The following ENTPD7 variants were observed in gnomAD, a reference collection of about 807,000 sequenced individuals.
ENTPD7 encodes the protein ectonucleoside triphosphate diphosphohydrolase 7.
ENTPD7 carries 53 observed loss-of-function variants against 77.9 expected under a neutral mutation model. That is an observed-to-expected ratio of 0.68 (90% CI 0.55 to 0.85). The LOEUF is 0.85. Ranked by LOEUF, ENTPD7 falls within the 40% of genes least tolerant of loss-of-function variation. The pLI is 0.00. For synonymous variants in ENTPD7, 248 were observed against 274.9 expected (o/e 0.90, Z 0.97); for missense variants, 636 against 743.7 (o/e 0.86, Z 1.68).
intron 8 of ENTPD7, among the ~76,000 whole-genome samples, chr10:99,694,576 A>G (rs1205539838): frequency 7.3e-6 from 1 of 136,684 alleles, no homozygotes; most frequent in Non-Finnish European, 1.5e-5. Flanking sequence ...CACTCTTGTC[A>G]CTCAGGCTGG....
intron 12 of ENTPD7, 129 bp from the exon 13 acceptor site, chr10:99,704,323 G>A: frequency 1.1e-6 from 1 of 885,814 alleles, no homozygotes; most frequent in Non-Finnish European, 1.8e-6. Flanking sequence ...GCTCTGTGGA[G>A]CTGGTGTCAT....
intron 3 of ENTPD7, among the ~76,000 whole-genome samples, chr10:99,672,367 G>A (rs908078343): frequency 6.0e-5 from 9 of 150,326 alleles, no homozygotes; most frequent in East Asian, 2.0e-4. Flanking sequence ...GTGCAGTGGC[G>A]TGATCATAGC....
In ENTPD7 at chr10:99,659,988, G is replaced by A. The variant is rs1464271584; in HGVS notation, c.8+24G>A. The A allele has an allele frequency of 6.2e-7, 1 of 1,613,658 alleles. No individual in the cohort carries two copies. The highest frequency in any genetic ancestry group is 8.5e-7 in the Non-Finnish European group (1 of 1,179,936). ...AGGTAAGGCTGCACACTTTCCCTCC[G>A]GCTGGGAGCACGGCAGAGGATGGCA... On this transcript the variant is annotated intron_variant, in intron 2 of 12. Coordinates refer to ENST00000370489, the MANE Select transcript of ENTPD7 (RefSeq NM_020354.5). The surrounding 1 kb of genome is among the most constrained non-coding windows in gnomAD (Gnocchi z 4.1).
chr10:99,675,606 T>TC (rs955663464), intron 3 of ENTPD7, among the ~76,000 whole-genome samples: 14 of 150,322 alleles, frequency 9.3e-5, no homozygotes, highest in Non-Finnish European at 1.9e-4. Flanking sequence ...AATTTTTTTT[T>TC]TTTTTTTTGA....
Position 99,682,202 on chromosome 10 carries a change from T to TC in ENTPD7, c.548+2327_548+2328insC, listed in dbSNP as rs1287198282. Among the ~76,000 whole-genome samples the TC allele has an allele frequency of 2.6e-5, 4 of 151,736 alleles. No homozygotes were observed. In the East Asian group the frequency reaches 7.7e-4, roughly 29 times the overall value. On this transcript the variant is annotated intron_variant, in intron 5 of 12. Coordinates refer to ENST00000370489, the MANE Select transcript of ENTPD7 (RefSeq NM_020354.5). ...TATTTTCCTTTGGTCAACAGCAGTTTTTTTTTTTTTTTACAACGTTTAAAT... is the reference window on the plus strand; with the variant it reads ...TATTTTCCTTTGGTCAACAGCAGTTTCTTTTTTTTTTTTACAACGTTTAAAT...
chr10:99,672,038 A>G (rs533706080), intron 3 of ENTPD7, among the ~76,000 whole-genome samples: 5 of 152,312 alleles, frequency 3.3e-5, no homozygotes, highest in Admixed American at 3.3e-4. Context: ...GGTGAAATTG[A>G]AAGCATTTAT....
At position 99,710,423 on chromosome 10, in the gene ENTPD7, G is replaced by A; in HGVS notation, c.*5740G>A. 1 of 979,148 alleles carries A rather than the reference G, an allele frequency of 1.0e-6. No homozygotes were observed. Among genetic ancestry groups the A allele is most frequent in the Non-Finnish European group, 1.2e-6 (1 of 827,490 alleles). 60.7% of individuals were successfully genotyped at this position (979,148 alleles called of 1,614,324 possible). ...TGATCAATGGCCTCTGCGGAGTGTA[G>A]TGAAAGACATCTTTTTATTATGATC... On this transcript the variant is annotated 3_prime_UTR_variant, in exon 13 of 13. Transcript: ENST00000370489.
At position 99,694,534 on chromosome 10, in the gene ENTPD7, T is replaced by A. The variant is rs568243568; in HGVS notation, c.844-1422T>A. Among the ~76,000 whole-genome samples the A allele has an allele frequency of 1.6e-4, 10 of 63,460 alleles. No individual in the cohort carries two copies. The East Asian group carries it at 3.4e-3, about 22-fold the overall frequency. 41.6% of individuals were successfully genotyped at this position (63,460 alleles called of 152,430 possible). On this transcript the variant is annotated intron_variant, in intron 8 of 12. Transcript: ENST00000370489. ...CACATTTTTCTATGTACATAAGTTTTTTTGTTTTTTTTTTTTTTTGAGATG... is the reference window on the plus strand; with the variant it reads ...CACATTTTTCTATGTACATAAGTTTATTTGTTTTTTTTTTTTTTTGAGATG...
chr10:99,704,515 CA>C lies in ENTPD7; in HGVS notation c.1649del (p.Asn550ThrfsTer48). The C allele has an allele frequency of 6.2e-7, 1 of 1,614,208 alleles. No homozygotes were observed. Among genetic ancestry groups the C allele is most frequent in the Non-Finnish European group, 8.5e-7 (1 of 1,180,038 alleles). On this transcript the variant is annotated frameshift_variant, in exon 13 of 13. Transcript: ENST00000370489. LOFTEE classifies it high-confidence loss of function. ...GSWFRLSFVYNHYLFFACILV... is the reference protein window; with the variant it reads ...GSWFRLSFVYXHYLFFACILV... ...GCTGGTTCCGTCTCTCCTTTGTATACAACCACTATCTCTTCTTTGCCTGTAT... is the reference window on the plus strand; with the variant it reads ...GCTGGTTCCGTCTCTCCTTTGTATACACCACTATCTCTTCTTTGCCTGTAT...
chr10:99,698,826 T>C lies in ENTPD7; in HGVS notation c.1303T>C (p.Tyr435His), dbSNP rs770792937. The change falls in exon 10 of 13, where the codon TAC (tyrosine) becomes CAC (histidine). Residue 435 changes from tyrosine to histidine, a missense_variant. This residue lies in a region of ENTPD7 where 486 missense variants were observed against 556.5 expected (regional missense o/e 0.87). Coordinates refer to ENST00000370489, the MANE Select transcript of ENTPD7 (RefSeq NM_020354.5). ...GGATGTGTTGCGCATTGGTGGCCGC[T>C]ACCATGGGCCAACATTTGCCAAGGC... ...TEDVLRIGGR[Y>H]HGPTFAKAAQ... 1 of 1,607,862 alleles carries C rather than the reference T, an allele frequency of 6.2e-7. No homozygotes were observed. The highest frequency in any genetic ancestry group is 8.5e-7 in the Non-Finnish European group (1 of 1,175,878).
Position 99,691,367 on chromosome 10 carries a change from T to C in ENTPD7, c.710-18T>C. The C allele has an allele frequency of 6.2e-7, 1 of 1,604,728 alleles. No individual in the cohort carries two copies. The highest frequency in any genetic ancestry group is 8.5e-7 in the Non-Finnish European group (1 of 1,177,370). On this transcript the variant is annotated intron_variant, in intron 7 of 12. Coordinates refer to ENST00000370489, the MANE Select transcript of ENTPD7 (RefSeq NM_020354.5). ...TTTTTTAATTACTAGGGCCTTTTTG[T>C]TCTCTTATTTATTTCAGAATCAGAT... is the stretch of plus-strand genomic sequence containing the variant.
chr10:99,681,244 T>C (rs1036506848), intron 5 of ENTPD7, among the ~76,000 whole-genome samples: 1 of 151,808 alleles, frequency 6.6e-6, no homozygotes, highest in African/African-American at 2.4e-5. Flanking sequence ...AGAAGTAGGA[T>C]TGCTGGATCA....
intron 5 of ENTPD7, among the ~76,000 whole-genome samples, chr10:99,685,162 C>T (rs529746866): frequency 3.9e-5 from 6 of 152,274 alleles, no homozygotes; most frequent in African/African-American, 1.4e-4. Context: ...GAGGCTGAGG[C>T]AGGAGAATCA....
At chr10:99,676,740 G>A (rs2035686243) in intron 3 of ENTPD7, among the ~76,000 whole-genome samples, 2 of 152,102 alleles carry the variant, frequency 1.3e-5, no homozygotes. Context: ...CCAGTGATTT[G>A]ATTTATGGGA....
At chr10:99,690,435 AATTT>A (rs2035865650) in intron 7 of ENTPD7, among the ~76,000 whole-genome samples, 1 of 152,052 alleles carries the variant, frequency 6.6e-6, no homozygotes, top group African/African-American at 2.4e-5. Flanking sequence ...GGGTGCTATT[AATTT>A]ATTTGATTTT....
chr10:99,679,505 A>G lies in ENTPD7; in HGVS notation c.397+39A>G, dbSNP rs761671973. 3.9e-6 allele frequency: 6 copies of G among 1,555,724 alleles called. No individual in the cohort carries two copies. The South Asian group carries it at 6.1e-5, about 16-fold the overall frequency. On this transcript the variant is annotated intron_variant, in intron 4 of 12. Transcript: ENST00000370489. Reference sequence around the variant, plus strand: ...TATATTTTGTTGTCAGTCTCTTTTAAGGCATGAAAGAGGAGACAAAAGAAG... The same window carrying G: ...TATATTTTGTTGTCAGTCTCTTTTAGGGCATGAAAGAGGAGACAAAAGAAG...
chr10:99,661,690 C>A, intron 3 of ENTPD7, 62 bp downstream of exon 3: 1 of 1,405,956 alleles, frequency 7.1e-7, no homozygotes, highest in Non-Finnish European at 9.6e-7. Flanking sequence ...GTTTAACACA[C>A]TACTGACTTT....
At chr10:99,690,677 G>A (rs192602920) in intron 7 of ENTPD7, among the ~76,000 whole-genome samples, 403 of 151,998 alleles carry the variant, frequency 2.7e-3, no homozygotes, top group Non-Finnish European at 3.7e-3. Flanking sequence ...TGAGTAGTTG[G>A]GATTACAGGT....
In ENTPD7 at chr10:99,700,996, G is replaced by A. The variant is rs755948338; in HGVS notation, c.1359G>A (p.Ser453=). ...AGGATTACTGTGGCATGGCTTGGTCGGTACTAACTCAGAGATTCAAGAATG... is the reference window on the plus strand; with the variant it reads ...AGGATTACTGTGGCATGGCTTGGTCAGTACTAACTCAGAGATTCAAGAATG... The part of the protein sequence containing the change: ...AAQDYCGMAW[S]VLTQRFKNGL... The change falls in exon 11 of 13, where the codon TCG becomes TCA. Residue 453 remains serine (S), a synonymous_variant. Coordinates refer to ENST00000370489, the MANE Select transcript of ENTPD7 (RefSeq NM_020354.5). 9 of 1,613,688 alleles carry A rather than the reference G, an allele frequency of 5.6e-6. No individual in the cohort carries two copies. The highest frequency in any genetic ancestry group is 2.7e-5 in the African/African-American group (2 of 74,872).
Sources: allele counts gnomAD v4.1 joint callset (sites outside exome capture counted in the v4.1 genomes callset), GRCh38; gene constraint gnomAD v4.1.1; regional missense constraint gnomAD v4.1.1; non-coding constraint Gnocchi (gnomAD v3.1); transcripts MANE v1.5; gene names NCBI Gene and HGNC (gene_info 2026-07-23, HGNC 2026-07-21).